The following LZTS2 variants were observed in gnomAD, a reference collection of about 807,000 sequenced individuals.
LZTS2 encodes the protein leucine zipper putative tumor suppressor 2.
In LZTS2, 32 loss-of-function variants were observed where a neutral mutation model predicts 60.6. That is an observed-to-expected ratio of 0.53 (90% CI 0.40 to 0.71). The LOEUF is 0.71. LZTS2 is among the 30% of genes least tolerant of loss of function. The pLI is 0.00. For synonymous variants in LZTS2, 360 were observed against 393.1 expected (o/e 0.92, Z 1.00); for missense variants, 792 against 901.9 (o/e 0.88, Z 1.56).
intron 3 of LZTS2, 133 bp downstream of exon 4, chr10:101,005,848 T>G (rs1240053094): frequency 8.1e-7 from 1 of 1,227,006 alleles, no homozygotes; most frequent in African/African-American, 1.5e-5. Context: ...GAGATGAGGT[T>G]CCCCTCTGTC....
chr10:101,004,280 A>AC (rs1454527254), intron 2 of LZTS2, 114 bp downstream of exon 3: 9 of 1,186,558 alleles, frequency 7.6e-6, no homozygotes, highest in African/African-American at 1.5e-5. Context: ...TGTAGTTGTG[A>AC]CCCCCCTGCC....
chr10:101,003,352 A>G (rs1039386176), intron 1 of LZTS2, among the ~76,000 whole-genome samples, 155 bp from the exon 3 acceptor site: 1 of 152,136 alleles, frequency 6.6e-6, no homozygotes, highest in African/African-American at 2.4e-5. Flanking sequence ...AAATTGCTTG[A>G]CACAAAGCTG....
At chr10:101,003,537 G>T in exon 2 of LZTS2, 1 of 1,526,334 alleles carries the variant, frequency 6.6e-7, no homozygotes, top group Non-Finnish European at 8.8e-7. Context: ...CCGCCCAACA[G>T]CCTTCAAGCC....
exon 2 of LZTS2, chr10:101,003,994 G>A (rs531530897): frequency 1.3e-5 from 21 of 1,612,748 alleles, no homozygotes; most frequent in African/African-American, 4.0e-5. Flanking sequence ...AGTGGTACTC[G>A]GGCCTCCCCT....
exon 4 of LZTS2, chr10:101,007,284 T>C (rs984539303): frequency 3.5e-6 from 5 of 1,424,122 alleles, no homozygotes; most frequent in Non-Finnish European, 4.6e-6. Flanking sequence ...AAGCCACTTG[T>C]CTCCTAGGAT....
At chr10:101,006,431 G>T in intron 3 of LZTS2, 54 bp from the exon 5 acceptor site, 1 of 1,546,140 alleles carries the variant, frequency 6.5e-7, no homozygotes, top group Admixed American at 1.9e-5. Flanking sequence ...TGCAGGGCCT[G>T]TCCCCCCAGG....
At chr10:101,000,575 G>A (rs951731475) in exon 1 of LZTS2, 1 of 152,478 alleles carries the variant, frequency 6.6e-6, no homozygotes, top group Middle Eastern at 3.4e-3. Context: ...GCCTCTCCGA[G>A]TCTTTGTCTC....
chr10:101,005,593 C>T lies in LZTS2; in HGVS notation c.1204C>T (p.Arg402Trp), dbSNP rs367618890. 111 of 1,611,194 alleles carry T rather than the reference C, an allele frequency of 6.9e-5. No homozygotes were observed. The highest frequency in any genetic ancestry group is 5.1e-4 in the African/African-American group (38 of 75,064). ...GGTGTTCCAGCTGCAGCAGGAGAAG[C>T]GGCAATTGCAGGACGACTTCGCACA... Residue 402 changes from arginine (R) to tryptophan (W), a missense_variant, in exon 3 of 4, where the codon CGG becomes TGG. Coordinates refer to ENST00000370220, the Ensembl canonical transcript of LZTS2.
rs146016044 is a variant in LZTS2 at position 101,004,397 on chromosome 10, G to C, written c.1068+231G>C. On this transcript the variant is annotated intron_variant, in intron 2 of 3. Coordinates refer to ENST00000370220, the Ensembl canonical transcript of LZTS2. Reference sequence around the variant, plus strand: ...CGAGGTGGGCGGATTGCTTGAGCTCGGGAGTTTGAGACCAACCTGGGTAAC... The same window carrying C: ...CGAGGTGGGCGGATTGCTTGAGCTCCGGAGTTTGAGACCAACCTGGGTAAC... 6.2e-4 allele frequency among the ~76,000 whole-genome samples: 94 copies of C among 152,028 alleles called. No homozygotes were observed. The South Asian group carries it at 0.01, about 16-fold the overall frequency.
At chr10:101,005,176 G>C (rs1251269664) in intron 2 of LZTS2, among the ~76,000 whole-genome samples, 1 of 152,052 alleles carries the variant, frequency 6.6e-6, no homozygotes, top group African/African-American at 2.4e-5. Flanking sequence ...GCTAATTTTT[G>C]GTCTTTGGAG....
exon 4 of LZTS2, chr10:101,007,510 C>T: frequency 1.5e-6 from 2 of 1,366,934 alleles, no homozygotes; most frequent in Non-Finnish European, 1.9e-6. Context: ...GGGGCTCCCT[C>T]CTCTTCACAT....
exon 1 of LZTS2, chr10:101,002,600 C>T: frequency 6.4e-7 from 1 of 1,559,012 alleles, no homozygotes; most frequent in Admixed American, 1.9e-5. Flanking sequence ...GCCACTGCCC[C>T]ACAAGCTCCA....
chr10:101,005,289 G>A (rs566102216), intron 2 of LZTS2, among the ~76,000 whole-genome samples, 169 bp from the exon 4 acceptor site: 2 of 152,256 alleles, frequency 1.3e-5, no homozygotes, highest in Admixed American at 6.5e-5. Context: ...TTGCTCTTGT[G>A]TTTGTTTCTA....
chr10:101,003,743 G>T, exon 2 of LZTS2: 2 of 1,612,966 alleles, frequency 1.2e-6, no homozygotes, highest in Non-Finnish European at 1.7e-6. Flanking sequence ...GCCCATCAGG[G>T]ACGCTATCCG....
exon 4 of LZTS2, chr10:101,006,944 T>C: frequency 6.5e-7 from 1 of 1,546,704 alleles, no homozygotes. Flanking sequence ...GCGGGACAGC[T>C]TTGAGGGGGA....
At chr10:101,000,948 G>A (rs1438349491) in exon 1 of LZTS2, 1 of 152,264 alleles carries the variant, frequency 6.6e-6, no homozygotes, top group Non-Finnish European at 1.5e-5. Context: ...GGAGGGCGGT[G>A]GATTTAATGG....
At chr10:101,007,345 G>A (rs1345084019) in exon 4 of LZTS2, 1 of 1,416,062 alleles carries the variant, frequency 7.1e-7, no homozygotes, top group Non-Finnish European at 9.2e-7. Context: ...ATGACTTGGA[G>A]GAGCAAGATC....
exon 4 of LZTS2, chr10:101,006,814 G>A (rs1214175658): frequency 2.6e-6 from 4 of 1,544,162 alleles, no homozygotes; most frequent in Non-Finnish European, 3.5e-6. Context: ...CATTCCTCCT[G>A]GCAGAGAGTG....
upstream of LZTS2, among the ~76,000 whole-genome samples, chr10:100,998,181 C>T (rs1851953130): frequency 6.6e-6 from 1 of 152,204 alleles, no homozygotes. Flanking sequence ...GGAGGACGAG[C>T]CCCTCCCCCC....
Sources: allele counts gnomAD v4.1 joint callset (sites outside exome capture counted in the v4.1 genomes callset), GRCh38; gene constraint gnomAD v4.1.1; transcripts MANE v1.5; gene names NCBI Gene and HGNC (gene_info 2026-07-23, HGNC 2026-07-21).